The following LSR variants were observed in gnomAD, a reference collection of about 807,000 sequenced individuals.
The protein encoded by LSR is lipolysis stimulated lipoprotein receptor, also known as lipolysis-stimulated lipoprotein receptor.
A neutral mutation model predicts 61.8 loss-of-function variants in LSR; 44 were observed. The ratio of observed to expected loss-of-function variants is 0.71; its 90% CI spans 0.56 to 0.91. The LOEUF (loss-of-function observed/expected upper bound fraction) is 0.91, where lower values mean the gene tolerates loss of function less well. Ranked by LOEUF, LSR falls within the 40% of genes least tolerant of loss-of-function variation. LSR has a pLI of 0.00. For synonymous variants in LSR, 397 were observed against 350.6 expected (o/e 1.13, Z -1.48); for missense variants, 911 against 830.5 (o/e 1.10, Z -1.19).
At chr19:35,263,393 A>C (rs1259620775) in intron 5 of LSR, among the ~76,000 whole-genome samples, 1 of 152,182 alleles carries the variant, frequency 6.6e-6, no homozygotes, top group Admixed American at 6.5e-5. Context: ...AAAGGGTCTC[A>C]TTCTGTCATC....
intron 2 of LSR, 129 bp downstream of exon 2, chr19:35,250,788 A>T: frequency 1.4e-5 from 8 of 570,570 alleles, no homozygotes; most frequent in Non-Finnish European, 2.3e-5. Context: ...CATTGAAGGG[A>T]GCAATTCTTT....
At chr19:35,251,904 G>A (rs1296838721) in intron 2 of LSR, among the ~76,000 whole-genome samples, 1 of 141,844 alleles carries the variant, frequency 7.1e-6, no homozygotes, top group East Asian at 2.1e-4. Flanking sequence ...GCGGGATCTC[G>A]GCTCACTGCA....
chr19:35,262,043 T>C (rs1160910199), intron 4 of LSR, 62 bp downstream of exon 4: 30 of 1,401,348 alleles, frequency 2.1e-5, no homozygotes, highest in Non-Finnish European at 2.8e-5. Context: ...CTACTGCTTC[T>C]GACTCTAGTT....
At chr19:35,250,762 C>A in intron 2 of LSR, 103 bp downstream of exon 2, 5 of 844,422 alleles carry the variant, frequency 5.9e-6, no homozygotes, top group Non-Finnish European at 8.9e-6. Flanking sequence ...TCTTGAGTGC[C>A]AGTGTCTGAA....
chr19:35,249,012 A>G lies in LSR; in HGVS notation c.-11A>G, dbSNP rs747633695. ...AGGGACGCGCGGGCCAGACGCGCCCAGACGGCCGCGATGGCGCTGTTGGCC... is the reference window on the plus strand; with the variant it reads ...AGGGACGCGCGGGCCAGACGCGCCCGGACGGCCGCGATGGCGCTGTTGGCC... On this transcript the variant is annotated 5_prime_UTR_variant, in exon 1 of 10. Coordinates refer to ENST00000605618, the MANE Select transcript of LSR (RefSeq NM_205834.4). 239 of 1,608,632 alleles carry G rather than the reference A, an allele frequency of 1.5e-4. 3 individuals carry two copies. In the Admixed American group the frequency reaches 4.0e-3, roughly 27 times the overall value.
intron 3 of LSR, among the ~76,000 whole-genome samples, chr19:35,260,191 T>C (rs1453695341): frequency 6.6e-6 from 1 of 152,062 alleles, no homozygotes; most frequent in Non-Finnish European, 1.5e-5. Context: ...ATTTACACTC[T>C]AAAACATTAT....
At chr19:35,261,720 G>A (rs1050238279) in intron 3 of LSR, among the ~76,000 whole-genome samples, 1 of 152,200 alleles carries the variant, frequency 6.6e-6, no homozygotes, top group African/African-American at 2.4e-5. Context: ...AACACAGGTG[G>A]ATTATGCAAT....
Position 35,262,001 on chromosome 19 carries a change from A to G in LSR, c.631+20A>G, listed in dbSNP as rs767480063. 1.2e-5 allele frequency: 18 copies of G among 1,521,290 alleles called. No homozygotes were observed. In the Admixed American group the frequency reaches 4.4e-4, roughly 37 times the overall value. 94.2% of individuals were successfully genotyped at this position (1,521,290 alleles called of 1,614,324 possible). On this transcript the variant is annotated intron_variant, in intron 4 of 9. Coordinates refer to ENST00000605618, the MANE Select transcript of LSR (RefSeq NM_205834.4). The stretch of plus-strand genomic sequence containing the variant: ...TAGAAGGTACGGGGGGTGGATCCTG[A>G]GTTGGGCTTCTCGGGAGCTCCCATA...
chr19:35,262,174 C>T (rs555023154), intron 4 of LSR, among the ~76,000 whole-genome samples, 193 bp downstream of exon 4: 3 of 152,290 alleles, frequency 2.0e-5, no homozygotes, highest in Admixed American at 2.0e-4. Flanking sequence ...CTGAGGAGAG[C>T]CTGGGGTGCA....
intron 3 of LSR, among the ~76,000 whole-genome samples, chr19:35,259,691 G>A (rs977575310): frequency 6.6e-6 from 1 of 152,064 alleles, no homozygotes; most frequent in Non-Finnish European, 1.5e-5. Context: ...AATGAGGACA[G>A]TTGATGGTGT....
At chr19:35,259,125 G>A (rs1184393379) in intron 3 of LSR, 61 bp downstream of exon 3, 28 of 1,570,784 alleles carry the variant, frequency 1.8e-5, no homozygotes, top group Non-Finnish European at 2.3e-5. Flanking sequence ...TGTTCTGTCT[G>A]CCCTCCCCTG....
At position 35,266,372 on chromosome 19, in the gene LSR, C is replaced by T. The variant is rs2065998418; in HGVS notation, c.792C>T (p.Gly264=). The change falls in exon 6 of 10, where the codon GGC becomes GGT. Residue 264 remains glycine (G), a synonymous_variant. Transcript: ENST00000605618. ...GTGTCCTCACAGTGTATGCCGCCGG[C>T]AAAGCAGCCACCTCAGGTGTTCCCA... ...CCCPEALYAA[G]KAATSGVPSI... 6.3e-7 allele frequency: 1 copy of T among 1,587,472 alleles called. No homozygotes were observed. The highest frequency in any genetic ancestry group is 8.6e-7 in the Non-Finnish European group (1 of 1,166,318).
chr19:35,265,699 A>C (rs1432478763), intron 5 of LSR, among the ~76,000 whole-genome samples: 4 of 152,216 alleles, frequency 2.6e-5, no homozygotes, highest in Non-Finnish European at 5.9e-5. Context: ...TGGGGCAGGC[A>C]GAAATGGGTG....
At chr19:35,252,420 G>A (rs1378454423) in intron 2 of LSR, among the ~76,000 whole-genome samples, 3 of 149,272 alleles carry the variant, frequency 2.0e-5, no homozygotes, top group South Asian at 2.1e-4. Context: ...AGGCCAAGGT[G>A]GGTGGATCAC....
At position 35,258,852 on chromosome 19, in the gene LSR, C is replaced by T. The variant is rs112434788; in HGVS notation, c.455-93C>T. On this transcript the variant is annotated intron_variant, in intron 2 of 9. Coordinates refer to ENST00000605618, the MANE Select transcript of LSR (RefSeq NM_205834.4). ...AGCCTGCCCAGCCCACTGCTTGCCC[C>T]CTCCTGGGTGTGCTGGGAAGGGGTC... The T allele has an allele frequency of 8.0e-5, 123 of 1,529,212 alleles. No homozygotes were observed. The African/African-American group carries it at 1.4e-3, about 18-fold the overall frequency. The allele number at this position is 1,529,212 out of a possible 1,614,324, so 94.7% of individuals were successfully genotyped here.
chr19:35,267,576 T>A lies in LSR; in HGVS notation c.1612T>A (p.Tyr538Asn). Residue 538 changes from tyrosine (Y) to asparagine (N), a missense_variant, in exon 9 of 10, where the codon TAT becomes AAT. By Grantham distance (143) the Tyr-to-Asn change is moderately radical. Coordinates refer to ENST00000605618, the MANE Select transcript of LSR (RefSeq NM_205834.4). ...DNGSRSGDLP[Y>N]DGRLLEEAVR... ...CGGCTCCAGGTCCGGGGACCTCCCC[T>A]ATGATGGGCGGCTACTGGAGGAGGC... 1 of 1,612,272 alleles carries A rather than the reference T, an allele frequency of 6.2e-7. No homozygotes were observed. Among genetic ancestry groups the A allele is most frequent in the Non-Finnish European group, 8.5e-7 (1 of 1,179,716 alleles).
At chr19:35,260,833 AACACACAC>A (rs139397551) in intron 3 of LSR, among the ~76,000 whole-genome samples, 3 of 149,258 alleles carry the variant, frequency 2.0e-5, no homozygotes, top group Non-Finnish European at 4.5e-5. Context: ...AAGAAACACA[AACACACAC>A]ACACACACAC....
At chr19:35,260,761 A>G (rs2065916974) in intron 3 of LSR, among the ~76,000 whole-genome samples, 1 of 152,052 alleles carries the variant, frequency 6.6e-6, no homozygotes, top group Non-Finnish European at 1.5e-5. Flanking sequence ...CAGGAGGTCA[A>G]GGCTGCAGTG....
At chr19:35,253,901 T>C (rs1035987696) in intron 2 of LSR, among the ~76,000 whole-genome samples, 4 of 152,176 alleles carry the variant, frequency 2.6e-5, no homozygotes, top group African/African-American at 9.7e-5. Flanking sequence ...GGGCCCTGCA[T>C]GCTCCAGGGG....
Sources: gnomAD v4.1 joint callset for allele counts (sites outside exome capture counted in the v4.1 genomes callset) on GRCh38, gnomAD v4.1.1 for gene constraint, MANE v1.5 for transcripts, NCBI Gene and HGNC (gene_info 2026-07-23, HGNC 2026-07-21) for gene names.